VKORC1L1: variants seen among roughly 807,000 people sequenced by gnomAD.
VKORC1L1 encodes vitamin K epoxide reductase complex subunit 1-like protein 1.
A neutral mutation model predicts 18.9 loss-of-function variants in VKORC1L1; 2 were observed. That is an observed-to-expected ratio of 0.11 (90% CI 0.04 to 0.33). The LOEUF (loss-of-function observed/expected upper bound fraction) is 0.33. VKORC1L1 is among the 10% of genes least tolerant of loss of function. The pLI is 1.00. For synonymous variants in VKORC1L1, 96 were observed against 100.0 expected (o/e 0.96, Z 0.24); for missense variants, 123 against 224.1 (o/e 0.55, Z 2.88).
chr7:65,933,606 C>T (rs566291938), intron 1 of VKORC1L1, among the ~76,000 whole-genome samples: 6 of 152,178 alleles, frequency 3.9e-5, no homozygotes, highest in South Asian at 2.1e-4. Flanking sequence ...TTGTAAATAG[C>T]ATATACTTGG....
chr7:65,936,184 C>G (rs1789939877), intron 1 of VKORC1L1, among the ~76,000 whole-genome samples: 1 of 151,712 alleles, frequency 6.6e-6, no homozygotes, highest in South Asian at 2.1e-4. Flanking sequence ...CTTCCATCTT[C>G]CCAGTCATTT....
At chr7:65,944,586 T>C (rs1790087382) in intron 1 of VKORC1L1, among the ~76,000 whole-genome samples, 1 of 152,074 alleles carries the variant, frequency 6.6e-6, no homozygotes, top group African/African-American at 2.4e-5. Flanking sequence ...TTTGTGTATA[T>C]GCATTTGAAG....
At chr7:65,944,154 A>G (rs1339270351) in intron 1 of VKORC1L1, among the ~76,000 whole-genome samples, 3 of 151,654 alleles carry the variant, frequency 2.0e-5, no homozygotes, top group Non-Finnish European at 4.4e-5. Context: ...AATCACTTGA[A>G]TCTAGAAGAT....
chr7:65,948,254 A>G (rs1227421354), intron 1 of VKORC1L1, among the ~76,000 whole-genome samples: 2 of 151,882 alleles, frequency 1.3e-5, no homozygotes, highest in African/African-American at 2.4e-5. Flanking sequence ...AATGCACAGA[A>G]CACCCCACAG....
At chr7:65,920,137 A>C (rs1186061119) in intron 1 of VKORC1L1, among the ~76,000 whole-genome samples, 2 of 151,924 alleles carry the variant, frequency 1.3e-5, no homozygotes, top group African/African-American at 2.4e-5. Flanking sequence ...TTCTCACCTC[A>C]GCGAGGCCTC....
intron 1 of VKORC1L1, among the ~76,000 whole-genome samples, chr7:65,908,098 A>T (rs1322763241): frequency 1.3e-5 from 2 of 152,170 alleles, no homozygotes; most frequent in African/African-American, 4.8e-5. Flanking sequence ...TCAAATTTGT[A>T]TTAGTAGAAT....
chr7:65,918,670 G>A (rs569727005), intron 1 of VKORC1L1, among the ~76,000 whole-genome samples: 11 of 152,312 alleles, frequency 7.2e-5, no homozygotes, highest in Admixed American at 2.0e-4. Context: ...CAGTTAAGGC[G>A]AAAGCCACCA....
At chr7:65,892,896 T>G (rs1420159746) in intron 1 of VKORC1L1, among the ~76,000 whole-genome samples, 1 of 152,258 alleles carries the variant, frequency 6.6e-6, no homozygotes, top group East Asian at 1.9e-4. Flanking sequence ...GTCCCAGGAC[T>G]ATGCAGGTTT....
intron 1 of VKORC1L1, among the ~76,000 whole-genome samples, chr7:65,883,568 C>T (rs1300298441): frequency 2.6e-5 from 4 of 152,016 alleles, no homozygotes; most frequent in African/African-American, 4.8e-5. Flanking sequence ...GGCGGGTTCT[C>T]GGCTCACTGC....
chr7:65,940,364 AT>A (rs1790014899), intron 1 of VKORC1L1, among the ~76,000 whole-genome samples: 1 of 152,186 alleles, frequency 6.6e-6, no homozygotes, highest in Admixed American at 6.6e-5. Context: ...CAATCAATCA[AT>A]TATGATAGCA....
intron 1 of VKORC1L1, among the ~76,000 whole-genome samples, chr7:65,905,651 C>A (rs571241885): frequency 6.6e-6 from 1 of 152,046 alleles, no homozygotes; most frequent in Non-Finnish European, 1.5e-5. Context: ...TGTATACTTC[C>A]GTGTAAATCT....
Position 65,945,894 on chromosome 7 carries a change from A to G in VKORC1L1, c.195-2777A>G, listed in dbSNP as rs560845705. On this transcript the variant is annotated intron_variant, in intron 1 of 2. Transcript: ENST00000360768. The stretch of plus-strand genomic sequence containing the variant: ...GTTTAGCCATGATAATTTTGGCAGT[A>G]TGCCATTTATTTCTGTTGCCAAAGG... Among the ~76,000 whole-genome samples, 233 of 151,414 alleles carry G rather than the reference A, an allele frequency of 1.5e-3. 1 individual carries two copies. The highest frequency in any genetic ancestry group is 5.5e-3 in the African/African-American group (228 of 41,268).
At chr7:65,875,934 C>T (rs764063164) in intron 1 of VKORC1L1, among the ~76,000 whole-genome samples, 11 of 152,152 alleles carry the variant, frequency 7.2e-5, no homozygotes, top group Non-Finnish European at 1.3e-4. Context: ...TCACTTTATT[C>T]TCATTTCGCA....
At chr7:65,927,146 G>A (rs1411874585) in intron 1 of VKORC1L1, among the ~76,000 whole-genome samples, 1 of 152,122 alleles carries the variant, frequency 6.6e-6, no homozygotes, top group Non-Finnish European at 1.5e-5. Flanking sequence ...AAATTGCTGG[G>A]CATAGTAGTG....
chr7:65,886,923 C>T (rs1789025094), intron 1 of VKORC1L1, among the ~76,000 whole-genome samples: 1 of 139,200 alleles, frequency 7.2e-6, no homozygotes, highest in Non-Finnish European at 1.5e-5. Flanking sequence ...AATCTTGGCT[C>T]ACTGAAACCT....
intron 1 of VKORC1L1, among the ~76,000 whole-genome samples, chr7:65,875,112 A>G (rs1788804015): frequency 6.6e-6 from 1 of 152,214 alleles, no homozygotes; most frequent in Non-Finnish European, 1.5e-5. Flanking sequence ...GGTAAAAATA[A>G]GATTTGCTAA....
At chr7:65,941,936 C>T (rs1411889050) in intron 1 of VKORC1L1, among the ~76,000 whole-genome samples, 1 of 152,076 alleles carries the variant, frequency 6.6e-6, no homozygotes, top group Non-Finnish European at 1.5e-5. Context: ...GTTGGAATTA[C>T]AGGCGTGAGC....
chr7:65,940,921 G>C (rs1790022460), intron 1 of VKORC1L1, among the ~76,000 whole-genome samples: 1 of 152,170 alleles, frequency 6.6e-6, no homozygotes, highest in Non-Finnish European at 1.5e-5. Flanking sequence ...TATAGCTTAA[G>C]AGAGTCCTAA....
At chr7:65,870,847 G>A (rs948126561), upstream of VKORC1L1, among the ~76,000 whole-genome samples, 2 of 150,940 alleles carry the variant, frequency 1.3e-5, no homozygotes, top group South Asian at 2.1e-4. Flanking sequence ...GTGGGGCAAC[G>A]TTGGCTCATT....
Sources: allele counts gnomAD v4.1 joint callset (sites outside exome capture counted in the v4.1 genomes callset), GRCh38; gene constraint gnomAD v4.1.1; transcripts MANE v1.5; gene names NCBI Gene and HGNC (gene_info 2026-07-23, HGNC 2026-07-21).